The following DDX1 variants were observed in gnomAD, a reference collection of about 807,000 sequenced individuals.
DDX1 encodes the protein ATP-dependent RNA helicase DDX1.
In DDX1, 28 loss-of-function variants were observed where a neutral mutation model predicts 108.7. The observed-to-expected ratio is 0.26, with a 90% CI of 0.19 to 0.35. The LOEUF (loss-of-function observed/expected upper bound fraction) is 0.35. Among genes scored for constraint, DDX1 ranks in the 10% least tolerant of loss-of-function variants. DDX1 has a pLI of 1.00. For synonymous variants in DDX1, 295 were observed against 288.9 expected (o/e 1.02, Z -0.21); for missense variants, 710 against 884.5 (o/e 0.80, Z 2.50).
At chr2:15,627,515 G>T (rs1419295207) in intron 20 of DDX1, 4 of 182,564 alleles carry the variant, frequency 2.2e-5, no homozygotes, top group Admixed American at 1.1e-4. Flanking sequence ...ATTAAGACAG[G>T]TATCAGAATA....
intron 6 of DDX1, among the ~76,000 whole-genome samples, chr2:15,600,715 A>T (rs72780856): frequency 1.4e-5 from 2 of 140,330 alleles, no homozygotes; most frequent in Non-Finnish European, 1.5e-5. Context: ...AAAGGACTGT[A>T]TACTTTTTTT....
Position 15,623,445 on chromosome 2 carries a change from C to G in DDX1, c.1457C>G (p.Ser486Cys), listed in dbSNP as rs1222834302. Residue 486 changes from serine to cysteine, a missense_variant, in exon 19 of 26, where the codon TCT becomes TGT. By Grantham distance (112) the Ser-to-Cys change is moderately radical. Coordinates refer to ENST00000233084, the MANE Select transcript of DDX1 (RefSeq NM_004939.3). The stretch of plus-strand genomic sequence containing the variant: ...TGTTATGATATTCAAGAGATGTGGT[C>G]TGAAGCTATTAAAATCCTGAAAGGG... ...RPGANSPEMW[S>C]EAIKILKGEY... is the part of the protein sequence containing the mutation. The G allele has an allele frequency of 6.2e-7, 1 of 1,613,310 alleles. No homozygotes were observed. Among genetic ancestry groups the G allele is most frequent in the Non-Finnish European group, 8.5e-7 (1 of 1,179,612 alleles).
intron 20 of DDX1, chr2:15,627,388 G>T: frequency 3.2e-6 from 1 of 309,170 alleles, no homozygotes; most frequent in Non-Finnish European, 6.0e-6. Flanking sequence ...AGAAATTTTA[G>T]TTAAATTATT....
At chr2:15,626,137 A>G (rs1404784792) in intron 19 of DDX1, among the ~76,000 whole-genome samples, 2 of 152,090 alleles carry the variant, frequency 1.3e-5, no homozygotes, top group Non-Finnish European at 2.9e-5. Flanking sequence ...ACTCAAACAC[A>G]ATATATACCA....
intron 23 of DDX1, 30 bp from the exon 24 acceptor site, chr2:15,629,572 A>G: frequency 3.4e-6 from 5 of 1,472,462 alleles, no homozygotes; most frequent in South Asian, 1.2e-5. Context: ...ATCTCCATGC[A>G]TGTTAATATT....
chr2:15,628,089 A>C (rs1666129474), intron 20 of DDX1, among the ~76,000 whole-genome samples: 1 of 152,190 alleles, frequency 6.6e-6, no homozygotes, highest in Non-Finnish European at 1.5e-5. Context: ...TTTGAATTTA[A>C]GAGTAAAGAT....
chr2:15,604,332 G>T (rs1189317676), intron 9 of DDX1, 105 bp from the exon 10 acceptor site: 8 of 757,808 alleles, frequency 1.1e-5, no homozygotes, highest in South Asian at 3.4e-5. Flanking sequence ...AGGCATTTTT[G>T]ATTTAAATAA....
In DDX1 at chr2:15,623,451, C is replaced by G. The variant is rs750873356; in HGVS notation, c.1463C>G (p.Ala488Gly). 6.2e-7 allele frequency: 1 copy of G among 1,613,366 alleles called. No homozygotes were observed. Among genetic ancestry groups the G allele is most frequent in the South Asian group, 1.1e-5 (1 of 91,020 alleles). ...GATATTCAAGAGATGTGGTCTGAAG[C>G]TATTAAAATCCTGAAAGGGGAGTAT... ...GANSPEMWSE[A>G]IKILKGEYAV... The change falls in exon 19 of 26, where the codon GCT (alanine) becomes GGT (glycine). Residue 488 changes from alanine (A) to glycine (G), a missense_variant. Ala to Gly is a moderately conservative substitution (Grantham distance 60). Around this residue, in one of 3 missense-constraint regions of DDX1, gnomAD observed 661 missense variants for 810.2 expected, o/e 0.82. Coordinates refer to ENST00000233084, the MANE Select transcript of DDX1 (RefSeq NM_004939.3).
chr2:15,597,624 A>G (rs553867305), intron 5 of DDX1, among the ~76,000 whole-genome samples, 153 bp downstream of exon 5: 7 of 152,266 alleles, frequency 4.6e-5, no homozygotes, highest in Non-Finnish European at 7.4e-5. Context: ...CAGGGATGCT[A>G]AATGTTGTTG....
At chr2:15,611,038 G>C (rs1399819328) in intron 13 of DDX1, among the ~76,000 whole-genome samples, 2 of 150,084 alleles carry the variant, frequency 1.3e-5, no homozygotes, top group African/African-American at 4.9e-5. Flanking sequence ...GCGGCCTTCC[G>C]CAGTGTTTGT....
At chr2:15,595,012 C>T (rs1027843761) in intron 1 of DDX1, 133 bp from the exon 2 acceptor site, 10 of 631,914 alleles carry the variant, frequency 1.6e-5, no homozygotes, top group Non-Finnish European at 2.7e-5. Flanking sequence ...TTCAACAGTG[C>T]CACGCTCAGT....
Position 15,606,147 on chromosome 2 carries a change from T to G in DDX1, c.703-3T>G. 6.2e-7 allele frequency: 1 copy of G among 1,609,664 alleles called. No individual in the cohort carries two copies. The highest frequency in any genetic ancestry group is 8.5e-7 in the Non-Finnish European group (1 of 1,176,134). Reference sequence around the variant, plus strand: ...TTTAATTTTCTGTTTTATTCAATGCTAGAATGCTGAACTGAAATTTAACTT... The same window carrying G: ...TTTAATTTTCTGTTTTATTCAATGCGAGAATGCTGAACTGAAATTTAACTT... On this transcript the variant is annotated splice_polypyrimidine_tract_variant and splice_region_variant and intron_variant, in intron 11 of 25. Transcript: ENST00000233084.
intron 13 of DDX1, among the ~76,000 whole-genome samples, chr2:15,607,591 TG>T (rs1665685779): frequency 6.6e-6 from 1 of 152,166 alleles, no homozygotes; most frequent in Non-Finnish European, 1.5e-5. Flanking sequence ...ATCTAATTTT[TG>T]GTTTTTTTTC....
chr2:15,595,881 CT>C (rs111848329), intron 3 of DDX1, among the ~76,000 whole-genome samples: 2 of 151,136 alleles, frequency 1.3e-5, no homozygotes, highest in African/African-American at 4.9e-5. Flanking sequence ...AAGTAGATTT[CT>C]TTTTTTTTGT....
chr2:15,603,937 T>G (rs960401941), intron 9 of DDX1, 47 bp downstream of exon 9: 1 of 1,245,742 alleles, frequency 8.0e-7, no homozygotes, highest in Non-Finnish European at 1.2e-6. Context: ...TAAGTTTTCT[T>G]GCATACTTAA....
intron 13 of DDX1, among the ~76,000 whole-genome samples, chr2:15,612,789 G>T (rs1162042324): frequency 6.6e-6 from 1 of 152,222 alleles, no homozygotes; most frequent in Non-Finnish European, 1.5e-5. Flanking sequence ...CGGATCACTC[G>T]CGGTTAGGAG....
At chr2:15,611,711 C>A (rs1287148017) in intron 13 of DDX1, among the ~76,000 whole-genome samples, 1 of 113,876 alleles carries the variant, frequency 8.8e-6, no homozygotes, top group Non-Finnish European at 1.8e-5. Context: ...ACCTCCCTCC[C>A]GGACGGGGCG....
At chr2:15,624,505 A>G (rs970685931) in intron 19 of DDX1, among the ~76,000 whole-genome samples, 10 of 152,144 alleles carry the variant, frequency 6.6e-5, no homozygotes, top group Admixed American at 6.5e-4. Flanking sequence ...TGGCAGCAGG[A>G]AGGAGAAGTG....
chr2:15,592,027 AAGGGGCGGGAGCGGAC>A, intron 1 of DDX1, 78 bp downstream of exon 1: 1 of 1,271,388 alleles, frequency 7.9e-7, no homozygotes, highest in South Asian at 2.0e-5. Flanking sequence ...CGGAGAGCTA[AAGGGGCGGGAGCGGAC>A]AGGGGTCAGG....
Sources: allele counts gnomAD v4.1 joint callset (sites outside exome capture counted in the v4.1 genomes callset), GRCh38; gene constraint gnomAD v4.1.1; regional missense constraint gnomAD v4.1.1; transcripts MANE v1.5; gene names NCBI Gene and HGNC (gene_info 2026-07-23, HGNC 2026-07-21).